ZNF512: variants seen among roughly 807,000 people sequenced by gnomAD.
ZNF512 encodes the protein zinc finger protein 512.
ZNF512 carries 25 observed loss-of-function variants against 77.5 expected under a neutral mutation model. That is an observed-to-expected ratio of 0.32 (90% CI 0.23 to 0.45). The LOEUF (loss-of-function observed/expected upper bound fraction) is 0.45. Ranked by LOEUF, ZNF512 falls within the 20% of genes least tolerant of loss-of-function variation. ZNF512 has a pLI of 1.00. For missense variants in ZNF512, 483 were observed against 692.6 expected, an observed-to-expected ratio of 0.70 and a Z score of 3.40; for synonymous variants, 246 against 239.9, an observed-to-expected ratio of 1.03 and a Z score of -0.24.
rs1482061559 is a variant in ZNF512 at position 27,610,470 on chromosome 2, GTATATGTGTATATATA to G, written c.1131+2445_1131+2460del. On this transcript the variant is annotated intron_variant, in intron 10 of 13. Coordinates refer to ENST00000355467, the MANE Select transcript of ZNF512 (RefSeq NM_032434.4). ...AAATCATCAAATAGGTTATATATGT[GTATATGTGTATATATA>G]TATATGTGTATATGTGTATATATAT... 2.9e-5 allele frequency among the ~76,000 whole-genome samples: 4 copies of G among 136,524 alleles called. No homozygotes were observed. The East Asian group carries it at 8.6e-4, about 29-fold the overall frequency. 89.6% of individuals were successfully genotyped at this position (136,524 alleles called of 152,430 possible).
intron 4 of ZNF512, 139 bp downstream of exon 4, chr2:27,599,817 A>C (rs1001261659): frequency 1.9e-5 from 21 of 1,134,412 alleles, no homozygotes; most frequent in Admixed American, 4.2e-5. Flanking sequence ...AATGGCCTCC[A>C]TCCTGCCTCA....
At chr2:27,592,206 T>C (rs1259389181) in intron 2 of ZNF512, among the ~76,000 whole-genome samples, 1 of 152,078 alleles carries the variant, frequency 6.6e-6, no homozygotes, top group Non-Finnish European at 1.5e-5. Flanking sequence ...GCCCAGGCTG[T>C]TCTTGAATTC....
intron 2 of ZNF512, among the ~76,000 whole-genome samples, chr2:27,593,872 C>T (rs866767679): frequency 6.6e-5 from 10 of 151,944 alleles, no homozygotes; most frequent in African/African-American, 2.4e-4. Context: ...TCAACAGCAT[C>T]CCAAGGCAGA....
intron 9 of ZNF512, among the ~76,000 whole-genome samples, chr2:27,604,179 G>A (rs1333221248): frequency 6.6e-6 from 1 of 152,052 alleles, no homozygotes; most frequent in Non-Finnish European, 1.5e-5. Context: ...TGCCCACCTC[G>A]GCCTCCCAAA....
At chr2:27,606,187 TTGGGATATATTC>T (rs1672348644) in intron 9 of ZNF512, among the ~76,000 whole-genome samples, 1 of 151,920 alleles carries the variant, frequency 6.6e-6, no homozygotes, top group African/African-American at 2.4e-5. Flanking sequence ...CTTATTAAGT[TTGGGATATATTC>T]TGGGTTTTTT....
chr2:27,607,505 C>A (rs570575604), intron 9 of ZNF512, among the ~76,000 whole-genome samples: 43 of 152,088 alleles, frequency 2.8e-4, no homozygotes, highest in African/African-American at 9.2e-4. Context: ...GTAGCTGGGA[C>A]TACAGGCGTG....
rs547172211 is a variant in ZNF512 at position 27,621,713 on chromosome 2, T to C, written c.*252T>C. On this transcript the variant is annotated 3_prime_UTR_variant, in exon 14 of 14. Transcript: ENST00000355467. ...TTTATCTTGCCCAAAGAGCTCCCTC[T>C]CAAGGCCAACTATAGGCTCCTCTTG... is the stretch of plus-strand genomic sequence containing the variant. 2.0e-5 allele frequency: 8 copies of C among 403,828 alleles called. No homozygotes were observed. Among genetic ancestry groups the C allele is most frequent in the African/African-American group, 1.6e-4 (8 of 49,678 alleles). 25.0% of individuals were successfully genotyped at this position (403,828 alleles called of 1,614,324 possible). A position where few individuals can be genotyped will look rare whatever the true frequency, so the allele number is the denominator to read the frequency against.
chr2:27,600,904 G>C, intron 6 of ZNF512, 89 bp downstream of exon 6: 1 of 1,468,526 alleles, frequency 6.8e-7, no homozygotes, highest in Non-Finnish European at 9.2e-7. Flanking sequence ...TGGTTATAAT[G>C]GATGAAAAGC....
chr2:27,603,573 A>AGTGTGTGTGTGTGTGTGTGT (rs11273312), intron 9 of ZNF512, among the ~76,000 whole-genome samples: 2,435 of 133,116 alleles, frequency 0.018, 121 homozygotes, highest in African/African-American at 0.066. Flanking sequence ...ATTTTTATAT[A>AGTGTGTGTGTGTGTGTGTGT]GTGTGTGTGT....
intron 4 of ZNF512, 88 bp from the exon 5 acceptor site, chr2:27,599,882 A>G: frequency 6.9e-7 from 1 of 1,449,886 alleles, no homozygotes; most frequent in Non-Finnish European, 9.6e-7. Flanking sequence ...AGGGACTGGG[A>G]AATAGGGTGT....
chr2:27,617,868 C>T (rs1672949611), intron 13 of ZNF512, among the ~76,000 whole-genome samples: 1 of 144,660 alleles, frequency 6.9e-6, no homozygotes, highest in Non-Finnish European at 1.5e-5. Context: ...GCTGGTTGCG[C>T]TACTGCACTC....
intron 2 of ZNF512, among the ~76,000 whole-genome samples, chr2:27,593,512 C>T (rs370798659): frequency 1.3e-5 from 2 of 151,964 alleles, no homozygotes; most frequent in Non-Finnish European, 2.9e-5. Context: ...TCCAGCTACT[C>T]GGGTATGGTG....
At chr2:27,602,621 C>A in intron 8 of ZNF512, 60 bp downstream of exon 8, 1 of 1,448,614 alleles carries the variant, frequency 6.9e-7, no homozygotes, top group Non-Finnish European at 9.4e-7. Flanking sequence ...GTCTTTCGTT[C>A]TTCTTTCCAT....
At chr2:27,589,551 C>G (rs540227713) in intron 2 of ZNF512, among the ~76,000 whole-genome samples, 41 of 152,202 alleles carry the variant, frequency 2.7e-4, no homozygotes, top group African/African-American at 9.6e-4. Context: ...CACATTTCCC[C>G]TATTGTCTGT....
At chr2:27,618,646 A>G (rs964613610) in intron 13 of ZNF512, among the ~76,000 whole-genome samples, 21 of 152,196 alleles carry the variant, frequency 1.4e-4, no homozygotes, top group Non-Finnish European at 2.9e-4. Context: ...AACAGTGGTA[A>G]ATTTGATTGT....
In ZNF512 at chr2:27,583,730, T is replaced by C. The variant is rs1197270679; in HGVS notation, c.89+14T>C. On this transcript the variant is annotated intron_variant, in intron 2 of 13. Coordinates refer to ENST00000355467, the MANE Select transcript of ZNF512 (RefSeq NM_032434.4). Reference sequence around the variant, plus strand: ...GGGAGCTAAGAAGTAAGTGAGGTTTTCTAAGGTCCTTTTATGATTGTGTCA... The same window carrying C: ...GGGAGCTAAGAAGTAAGTGAGGTTTCCTAAGGTCCTTTTATGATTGTGTCA... 6.2e-7 allele frequency: 1 copy of C among 1,613,448 alleles called. No individual in the cohort carries two copies. Among genetic ancestry groups the C allele is most frequent in the Non-Finnish European group, 8.5e-7 (1 of 1,179,838 alleles).
At chr2:27,606,561 A>C (rs1311559630) in intron 9 of ZNF512, among the ~76,000 whole-genome samples, 2 of 151,992 alleles carry the variant, frequency 1.3e-5, no homozygotes, top group Non-Finnish European at 1.5e-5. Flanking sequence ...GGGTTTCACC[A>C]TGTTGGCCAG....
chr2:27,586,293 G>A (rs951584243), intron 2 of ZNF512, among the ~76,000 whole-genome samples: 1 of 152,018 alleles, frequency 6.6e-6, no homozygotes, highest in African/African-American at 2.4e-5. Context: ...GCAGTGGCAT[G>A]ATCTCGGCTC....
Position 27,617,496 on chromosome 2 carries a change from CA to C in ZNF512, c.1323del (p.Lys441AsnfsTer30). 6.8e-7 allele frequency: 1 copy of C among 1,475,298 alleles called. No individual in the cohort carries two copies. Among genetic ancestry groups the C allele is most frequent in the Non-Finnish European group, 9.5e-7 (1 of 1,053,178 alleles). The allele number at this position is 1,475,298 out of a possible 1,614,324, so 91.4% of individuals were successfully genotyped here. A position where few individuals can be genotyped will look rare whatever the true frequency, so the allele number is the denominator to read the frequency against. On this transcript the variant is annotated frameshift_variant, in exon 13 of 14. Transcript: ENST00000355467. LOFTEE classifies it high-confidence loss of function. The stretch of plus-strand genomic sequence containing the variant: ...AGGGAAACTTTGTGGCTGGAAAATA[CA>C]AATGTCTTCTATGTCAGAAAGAATT... ...TLGNFVAGKY[K>X]CLLCQKEFVS...
Sources: allele counts gnomAD v4.1 joint callset (sites outside exome capture counted in the v4.1 genomes callset), GRCh38; gene constraint gnomAD v4.1.1; transcripts MANE v1.5; gene names NCBI Gene and HGNC (gene_info 2026-07-23, HGNC 2026-07-21).